The following PRKCH variants were observed in gnomAD, a reference collection of about 807,000 sequenced individuals.
PRKCH encodes protein kinase C eta.
Under a neutral mutation model 82.5 loss-of-function variants are expected in PRKCH, and 28 were observed. The observed-to-expected ratio is 0.34, with a 90% CI of 0.25 to 0.47. The LOEUF is 0.47. Among genes scored for constraint, PRKCH ranks in the 20% least tolerant of loss-of-function variants. The probability of loss-of-function intolerance (pLI) is 1.00; values close to 1 mark genes in which losing one functional copy is unlikely to be tolerated. For missense variants in PRKCH, 705 were observed against 881.8 expected, an observed-to-expected ratio of 0.80 and a Z score of 2.54; for synonymous variants, 322 against 327.4, an observed-to-expected ratio of 0.98 and a Z score of 0.18.
chr14:61,281,463 T>C, intron 1 of PRKCH: 1 of 221,876 alleles, frequency 4.5e-6, no homozygotes, highest in Non-Finnish European at 9.6e-6. Flanking sequence ...CCTGGTAGAC[T>C]CAGTCTCGCG....
At chr14:61,460,504 A>G (rs541887724) in intron 9 of PRKCH, among the ~76,000 whole-genome samples, 1 of 152,358 alleles carries the variant, frequency 6.6e-6, no homozygotes, top group South Asian at 2.1e-4. Context: ...TTTATTGTCC[A>G]TGTACCACAC....
Position 61,280,145 on chromosome 14 carries a change from T to C in PRKCH, c.-19+92477T>C, listed in dbSNP as rs1389086553. 2.5e-6 allele frequency: 4 copies of C among 1,614,000 alleles called. No homozygotes were observed. The East Asian group carries it at 6.7e-5, about 27-fold the overall frequency. On this transcript the variant is annotated intron_variant, in intron 1 of 3. Coordinates refer to the PRKCH transcript ENST00000555185. The surrounding 1 kb of genome is among the most constrained non-coding windows in gnomAD (Gnocchi z 5.0). ...TGGTAGCGAATGTAGACGACCAGCA[T>C]GACAAAGCCGGTGAGGATGCAGAGG...
chr14:61,537,245 G>A (rs1445248027), intron 12 of PRKCH, among the ~76,000 whole-genome samples: 1 of 152,222 alleles, frequency 6.6e-6, no homozygotes, highest in Non-Finnish European at 1.5e-5. Context: ...AGAGAATGGA[G>A]TATTCACACT....
chr14:61,257,933 T>C (rs2045013313), intron 1 of PRKCH, among the ~76,000 whole-genome samples: 1 of 152,068 alleles, frequency 6.6e-6, no homozygotes, highest in African/African-American at 2.4e-5. Flanking sequence ...TCAAAGAGAT[T>C]GAGTTCCACT....
intron 1 of PRKCH, among the ~76,000 whole-genome samples, chr14:61,196,091 C>T (rs1049178514): frequency 2.0e-5 from 3 of 151,962 alleles, no homozygotes; most frequent in Non-Finnish European, 2.9e-5. Context: ...AAATGATGGC[C>T]ACCAAAAGCC....
At chr14:61,242,861 T>C (rs965334035) in intron 1 of PRKCH, among the ~76,000 whole-genome samples, 2 of 152,252 alleles carry the variant, frequency 1.3e-5, no homozygotes, top group Non-Finnish European at 2.9e-5. Flanking sequence ...AATAAACACG[T>C]ATTGTCTAAA....
At chr14:61,256,188 A>G (rs1290794488) in intron 1 of PRKCH, among the ~76,000 whole-genome samples, 3 of 152,222 alleles carry the variant, frequency 2.0e-5, no homozygotes, top group Non-Finnish European at 4.4e-5. Context: ...CTGTCTCATC[A>G]CCAGAGATGA....
intron 1 of PRKCH, 173 bp downstream of exon 1, chr14:61,322,637 T>G (rs1204812551): frequency 3.5e-6 from 3 of 869,144 alleles, no homozygotes. Flanking sequence ...GCGGTGGGTG[T>G]GTGCAGGCGC....
intron 10 of PRKCH, among the ~76,000 whole-genome samples, chr14:61,507,738 G>A (rs1387614887): frequency 6.6e-6 from 1 of 152,092 alleles, no homozygotes; most frequent in African/African-American, 2.4e-5. Flanking sequence ...CATAGAAGCA[G>A]GGAGTAGAAT....
At chr14:61,396,670 G>T (rs900276180) in intron 2 of PRKCH, among the ~76,000 whole-genome samples, 13 of 152,208 alleles carry the variant, frequency 8.5e-5, no homozygotes, top group African/African-American at 2.9e-4. Context: ...AAGTCTGAAT[G>T]ATAAATAGGA....
At chr14:61,412,108 CTA>C (rs1342063469) in intron 2 of PRKCH, among the ~76,000 whole-genome samples, 1 of 152,116 alleles carries the variant, frequency 6.6e-6, no homozygotes, top group Non-Finnish European at 1.5e-5. Flanking sequence ...AAATACAAAA[CTA>C]TCACTCAATA....
intron 1 of PRKCH, among the ~76,000 whole-genome samples, chr14:61,357,251 A>G (rs1204586296): frequency 2.6e-5 from 4 of 152,118 alleles, no homozygotes; most frequent in African/African-American, 9.7e-5. Flanking sequence ...CGATTACTCC[A>G]TGCAGTTACT....
chr14:61,438,615 C>A (rs1252267939), intron 2 of PRKCH, among the ~76,000 whole-genome samples: 1 of 152,104 alleles, frequency 6.6e-6, no homozygotes, highest in Non-Finnish European at 1.5e-5. Flanking sequence ...GTTAAAGTTA[C>A]AACAGTTTAC....
intron 12 of PRKCH, among the ~76,000 whole-genome samples, chr14:61,542,602 A>G (rs1378474587): frequency 6.6e-6 from 1 of 152,206 alleles, no homozygotes; most frequent in African/African-American, 2.4e-5. Context: ...GAAGGCAGAA[A>G]GAGATCTTGT....
At chr14:61,200,214 T>C (rs552440469) in intron 1 of PRKCH, among the ~76,000 whole-genome samples, 3 of 152,252 alleles carry the variant, frequency 2.0e-5, no homozygotes, top group African/African-American at 7.2e-5. Context: ...AGGACAAGTT[T>C]ACCCAGAATG....
At position 61,374,622 on chromosome 14, in the gene PRKCH, C is replaced by A. The variant is rs2046406459; in HGVS notation, c.364-16603C>A. 1.3e-5 allele frequency among the ~76,000 whole-genome samples: 2 copies of A among 152,066 alleles called. 1 individual carries two copies. The highest frequency in any genetic ancestry group is 4.1e-4 in the South Asian group (2 of 4,826). ...AGAAGTTGCCAAGGCTTGAGGCTTG[C>A]ACCCTCTGAAGCCACAGCCCGAGCT... On this transcript the variant is annotated intron_variant, in intron 1 of 13. Coordinates refer to ENST00000332981, the MANE Select transcript of PRKCH (RefSeq NM_006255.5).
At chr14:61,250,460 G>A (rs140517345) in intron 1 of PRKCH, among the ~76,000 whole-genome samples, 114 of 152,110 alleles carry the variant, frequency 7.5e-4, no homozygotes, top group African/African-American at 2.6e-3. Flanking sequence ...ACTTAAATGC[G>A]TTTTACTGAG....
intron 1 of PRKCH, among the ~76,000 whole-genome samples, chr14:61,215,027 G>T (rs1211256504): frequency 6.6e-6 from 1 of 152,084 alleles, no homozygotes; most frequent in Non-Finnish European, 1.5e-5. Context: ...AAGATCGATT[G>T]CATTTATCTT....
chr14:61,339,622 CTTTTT>C (rs757220300), intron 1 of PRKCH, among the ~76,000 whole-genome samples: 2 of 60,000 alleles, frequency 3.3e-5, no homozygotes, highest in African/African-American at 1.3e-4. Flanking sequence ...CAAGCCCGGC[CTTTTT>C]TTTTTTTTTT....
Sources: allele counts gnomAD v4.1 joint callset (sites outside exome capture counted in the v4.1 genomes callset), GRCh38; gene constraint gnomAD v4.1.1; non-coding constraint Gnocchi (gnomAD v3.1); transcripts MANE v1.5; gene names NCBI Gene and HGNC (gene_info 2026-07-23, HGNC 2026-07-21).